AGBL4: variants seen among roughly 807,000 people sequenced by gnomAD.
AGBL4 encodes the protein AGBL carboxypeptidase 4.
AGBL4 carries 58 observed loss-of-function variants against 66.4 expected under a neutral mutation model. The observed-to-expected ratio is 0.87, with a 90% CI of 0.71 to 1.09. The LOEUF (loss-of-function observed/expected upper bound fraction) is 1.09. Ranked by LOEUF, AGBL4 falls within the 50% of genes least tolerant of loss-of-function variation. The pLI is 0.00. For missense variants in AGBL4, 579 were observed against 631.0 expected, an observed-to-expected ratio of 0.92 and a Z score of 0.88; for synonymous variants, 234 against 222.9, an observed-to-expected ratio of 1.05 and a Z score of -0.44.
At chr1:49,413,566 G>C (rs1053311415) in intron 3 of AGBL4, among the ~76,000 whole-genome samples, 5 of 152,156 alleles carry the variant, frequency 3.3e-5, no homozygotes, top group Admixed American at 2.0e-4. Flanking sequence ...AGTTCAGGTG[G>C]AGCTCTTTGC....
At chr1:49,575,360 G>A (rs1458180908) in intron 3 of AGBL4, among the ~76,000 whole-genome samples, 1 of 152,154 alleles carries the variant, frequency 6.6e-6, no homozygotes, top group Admixed American at 6.5e-5. Flanking sequence ...CTTAGCAGCA[G>A]GCAGAACCCC....
chr1:48,771,190 A>G (rs973796539), intron 6 of AGBL4, among the ~76,000 whole-genome samples: 2 of 152,190 alleles, frequency 1.3e-5, no homozygotes, highest in Non-Finnish European at 2.9e-5. Flanking sequence ...ACCAGAGAAA[A>G]TGTCTCCAGA....
chr1:49,768,546 A>G (rs1207140540), intron 2 of AGBL4, among the ~76,000 whole-genome samples: 1 of 152,186 alleles, frequency 6.6e-6, no homozygotes, highest in East Asian at 1.9e-4. Context: ...AGAGCCATCT[A>G]TGACAAACCC....
At chr1:49,849,416 T>TATA (rs1646246885) in intron 2 of AGBL4, among the ~76,000 whole-genome samples, 2 of 128,504 alleles carry the variant, frequency 1.6e-5, no homozygotes, top group Non-Finnish European at 3.7e-5. Context: ...TTATTATTAT[T>TATA]ATTATTATTA....
intron 6 of AGBL4, among the ~76,000 whole-genome samples, chr1:48,860,164 C>T (rs1450107873): frequency 6.6e-6 from 1 of 152,154 alleles, no homozygotes; most frequent in African/African-American, 2.4e-5. Flanking sequence ...CATATTGCCT[C>T]CCTTCTACTG....
intron 4 of AGBL4, among the ~76,000 whole-genome samples, chr1:49,150,003 C>A (rs745662614): frequency 6.6e-5 from 10 of 152,140 alleles, no homozygotes; most frequent in Non-Finnish European, 1.2e-4. Flanking sequence ...CATCTAAATT[C>A]ATGGACCTCA....
At chr1:49,621,826 T>A (rs895980787) in intron 3 of AGBL4, among the ~76,000 whole-genome samples, 2 of 152,204 alleles carry the variant, frequency 1.3e-5, no homozygotes, top group African/African-American at 4.8e-5. Context: ...CAGTTTCAGT[T>A]TGACTGCACA....
chr1:49,341,426 A>G (rs567320736), intron 3 of AGBL4, among the ~76,000 whole-genome samples: 2 of 152,226 alleles, frequency 1.3e-5, no homozygotes, highest in African/African-American at 4.8e-5. Context: ...CCTAAGACAT[A>G]GGAGGTTAAA....
chr1:49,480,516 T>A lies in AGBL4; in HGVS notation c.282+216797A>T, dbSNP rs189268899. On this transcript the variant is annotated intron_variant, in intron 3 of 13. Coordinates refer to ENST00000371839, the MANE Select transcript of AGBL4 (RefSeq NM_032785.4). ...TTTTCTCTTGTAAATTTGTTTAACT[T>A]CTTTATAGATGCTGGATATTAGACC... 2.6e-5 allele frequency among the ~76,000 whole-genome samples: 4 copies of A among 152,174 alleles called. No homozygotes were observed. The East Asian group carries it at 7.7e-4, about 29-fold the overall frequency.
At chr1:48,668,072 G>A (rs1402709125) in intron 6 of AGBL4, among the ~76,000 whole-genome samples, 2 of 151,940 alleles carry the variant, frequency 1.3e-5, no homozygotes, top group Non-Finnish European at 2.9e-5. Context: ...GACTTGATTG[G>A]TGAAGGCATG....
chr1:49,920,519 T>G (rs1417138401), intron 1 of AGBL4, among the ~76,000 whole-genome samples: 1 of 152,096 alleles, frequency 6.6e-6, no homozygotes, highest in East Asian at 1.9e-4. Flanking sequence ...ATCACAGAAA[T>G]GCAAATCAAA....
chr1:49,576,798 T>A (rs755701571), intron 3 of AGBL4, among the ~76,000 whole-genome samples: 1 of 152,150 alleles, frequency 6.6e-6, no homozygotes, highest in Non-Finnish European at 1.5e-5. Context: ...GAGTTCCCTA[T>A]GATCAGTTGA....
chr1:49,734,816 T>A (rs1271914270), intron 2 of AGBL4, among the ~76,000 whole-genome samples: 2 of 120,408 alleles, frequency 1.7e-5, no homozygotes, highest in Non-Finnish European at 4.2e-5. Flanking sequence ...TAGCAAAAAA[T>A]TTTAAAAATA....
intron 3 of AGBL4, among the ~76,000 whole-genome samples, chr1:49,622,628 CAAAAAAAAAA>C (rs71059557): frequency 3.1e-5 from 2 of 65,484 alleles, no homozygotes; most frequent in Non-Finnish European, 2.6e-5. Flanking sequence ...GACTCCGTCT[CAAAAAAAAAA>C]AAAAAAAAAA....
intron 9 of AGBL4, among the ~76,000 whole-genome samples, chr1:48,622,524 C>T (rs1261201401): frequency 6.9e-6 from 1 of 145,804 alleles, no homozygotes; most frequent in African/African-American, 2.6e-5. Flanking sequence ...TGCTCTGTCA[C>T]CCAGGCTGGA....
At chr1:48,687,524 G>C (rs1025145246) in intron 6 of AGBL4, among the ~76,000 whole-genome samples, 2 of 152,208 alleles carry the variant, frequency 1.3e-5, no homozygotes, top group East Asian at 3.9e-4. Flanking sequence ...GGAGCGAGGG[G>C]AGAGGCCATC....
intron 4 of AGBL4, among the ~76,000 whole-genome samples, chr1:49,211,066 C>T (rs1648629772): frequency 6.6e-6 from 1 of 151,970 alleles, no homozygotes; most frequent in Non-Finnish European, 1.5e-5. Flanking sequence ...TGCCCAAGTC[C>T]GTCCCCAGCA....
intron 5 of AGBL4, among the ~76,000 whole-genome samples, chr1:48,894,798 AG>A (rs773539924): frequency 4.6e-5 from 7 of 152,222 alleles, no homozygotes; most frequent in Non-Finnish European, 8.8e-5. Context: ...CAATGAACAA[AG>A]GATGAATTTA....
intron 6 of AGBL4, among the ~76,000 whole-genome samples, chr1:48,831,251 C>T (rs1461738802): frequency 6.6e-6 from 1 of 152,050 alleles, no homozygotes; most frequent in Non-Finnish European, 1.5e-5. Flanking sequence ...GCTCTCTGGC[C>T]CTCTGGGCTG....
Sources: gnomAD v4.1 joint callset for allele counts (sites outside exome capture counted in the v4.1 genomes callset) on GRCh38, gnomAD v4.1.1 for gene constraint, MANE v1.5 for transcripts, NCBI Gene and HGNC (gene_info 2026-07-23, HGNC 2026-07-21) for gene names.